NBAS: variants seen among roughly 807,000 people sequenced by gnomAD.
The protein encoded by NBAS is NAG/BC035112 fusion.
In NBAS, 219 loss-of-function variants were observed where a neutral mutation model predicts 302.5. The observed-to-expected ratio is 0.72, with a 90% CI of 0.65 to 0.81. The LOEUF (loss-of-function observed/expected upper bound fraction) is 0.81. Ranked by LOEUF, NBAS falls within the 30% of genes least tolerant of loss-of-function variation. The probability of loss-of-function intolerance (pLI) is 0.00; values close to 1 mark genes in which losing one functional copy is unlikely to be tolerated. For synonymous variants in NBAS, 1,118 were observed against 1,021.6 expected, an observed-to-expected ratio of 1.09 and a Z score of -1.80; for missense variants, 2,932 against 2,841.6, an observed-to-expected ratio of 1.03 and a Z score of -0.72.
chr2:15,085,814 C>A, the NBAS span, among the ~76,000 whole-genome samples: 2 of 152,212 alleles, frequency 1.3e-5, no homozygotes, highest in Non-Finnish European at 1.5e-5. Context: ...ACGCTGGGGG[C>A]AGTGCTGACA....
the NBAS span, among the ~76,000 whole-genome samples, chr2:14,906,526 G>A: frequency 1.3e-5 from 2 of 152,222 alleles, no homozygotes; most frequent in South Asian, 4.1e-4. Flanking sequence ...TGTTCCTGGG[G>A]ACCCACCTTT....
the NBAS span, among the ~76,000 whole-genome samples, chr2:14,920,616 G>A: frequency 6.6e-6 from 1 of 152,136 alleles, no homozygotes; most frequent in African/African-American, 2.4e-5. Context: ...AATTATCTTA[G>A]CTAGATCTTC....
At chr2:15,501,116 A>G (rs1429180991) in intron 11 of NBAS, among the ~76,000 whole-genome samples, 2 of 151,768 alleles carry the variant, frequency 1.3e-5, no homozygotes, top group African/African-American at 4.8e-5. Context: ...CCTGGCTAAC[A>G]TGGTGAAACC....
the NBAS span, among the ~76,000 whole-genome samples, chr2:14,964,574 T>C: frequency 2.0e-5 from 3 of 152,058 alleles, no homozygotes; most frequent in Non-Finnish European, 4.4e-5. Flanking sequence ...AAAGGACAAA[T>C]AGACAAACCC....
At chr2:14,883,831 C>A in the NBAS span, among the ~76,000 whole-genome samples, 1 of 151,952 alleles carries the variant, frequency 6.6e-6, no homozygotes, top group Non-Finnish European at 1.5e-5. Context: ...CGTGGTGGCA[C>A]ACTCCTATAG....
At chr2:15,228,118 C>A (rs1048555946) in intron 47 of NBAS, among the ~76,000 whole-genome samples, 1 of 151,970 alleles carries the variant, frequency 6.6e-6, no homozygotes, top group Non-Finnish European at 1.5e-5. Flanking sequence ...TCAGGATATA[C>A]AAGGAACTCA....
chr2:15,394,872 T>C (rs1488760240), intron 27 of NBAS, among the ~76,000 whole-genome samples: 3 of 152,102 alleles, frequency 2.0e-5, no homozygotes, highest in Non-Finnish European at 4.4e-5. Flanking sequence ...TCTTGAGATA[T>C]CCCATTCCAT....
At position 15,427,758 on chromosome 2, in the gene NBAS, A is replaced by C. The variant is rs767227424; in HGVS notation, c.2376T>G (p.His792Gln). Residue 792 changes from histidine to glutamine, a missense_variant, in exon 22 of 52, where the codon CAT (histidine) becomes CAG (glutamine). His to Gln is a conservative substitution (Grantham distance 24). Transcript: ENST00000281513. ...NGDSLMIIPW[H>Q]EHKHRAKDWC... The stretch of plus-strand genomic sequence containing the variant: ...AATCTTTAGCTCGGTGTTTATGTTC[A>C]TGCCAAGGAATGATCATCAGGGAGT... 6.2e-7 allele frequency: 1 copy of C among 1,613,572 alleles called. No individual in the cohort carries two copies. Among genetic ancestry groups the C allele is most frequent in the South Asian group, 1.1e-5 (1 of 90,890 alleles).
intron 32 of NBAS, among the ~76,000 whole-genome samples, chr2:15,360,330 T>TA (rs551926742): frequency 0.05 from 4,639 of 92,906 alleles, 160 homozygotes; most frequent in South Asian, 0.11. Context: ...TACCATAACT[T>TA]AAAAAAAAAA....
the NBAS span, among the ~76,000 whole-genome samples, chr2:15,056,186 G>T: frequency 1.3e-5 from 2 of 151,862 alleles, no homozygotes; most frequent in East Asian, 3.9e-4. Context: ...ACTCTGAAAT[G>T]GATCTATTTT....
chr2:15,054,151 C>T, the NBAS span, among the ~76,000 whole-genome samples: 4 of 152,302 alleles, frequency 2.6e-5, no homozygotes, highest in African/African-American at 9.6e-5. Flanking sequence ...GCGACAGCCA[C>T]TCTGTGCTAA....
chr2:15,048,172 G>A, the NBAS span, among the ~76,000 whole-genome samples: 230 of 152,352 alleles, frequency 1.5e-3, no homozygotes, highest in Middle Eastern at 3.4e-3. Context: ...GAGGCAGGGA[G>A]AGGAATGAGC....
At chr2:15,117,195 C>A in the NBAS span, among the ~76,000 whole-genome samples, 3 of 152,150 alleles carry the variant, frequency 2.0e-5, no homozygotes, top group African/African-American at 7.2e-5. Context: ...TAAATAAACC[C>A]GCCGTCCCCA....
chr2:15,527,738 T>C (rs1401719041), intron 9 of NBAS, among the ~76,000 whole-genome samples: 1 of 151,972 alleles, frequency 6.6e-6, no homozygotes, highest in Non-Finnish European at 1.5e-5. Flanking sequence ...GATATATTCA[T>C]CAAAATAGAA....
rs758214210 is a variant in NBAS, at chr2:15,352,038, C to T, written c.4133G>A (p.Gly1378Glu). The T allele has an allele frequency of 1.2e-6, 2 of 1,612,164 alleles. No individual in the cohort carries two copies. The highest frequency in any genetic ancestry group is 1.3e-5 in the African/African-American group (1 of 74,828). Residue 1378 changes from glycine (G) to glutamate (E), a missense_variant, in exon 35 of 52, where the codon GGG becomes GAG. By Grantham distance (98) the Gly-to-Glu change is moderately conservative. Transcript: ENST00000281513. ...TAATGGTGAAGCACTGATATTTTCCCCTCCTTCATGATGGATCTGGAAATT... is the reference window on the plus strand; with the variant it reads ...TAATGGTGAAGCACTGATATTTTCCTCTCCTTCATGATGGATCTGGAAATT... ...RVNFQIHHEG[G>E]ENISASPLTS...
chr2:15,186,457 G>A (rs1558419687), intron 50 of NBAS, among the ~76,000 whole-genome samples: 1 of 152,062 alleles, frequency 6.6e-6, no homozygotes, highest in Non-Finnish European at 1.5e-5. Flanking sequence ...ATGGCCACTT[G>A]GAACATAAAC....
At chr2:15,057,314 G>GA in the NBAS span, among the ~76,000 whole-genome samples, 73,561 of 135,794 alleles carry the variant, frequency 0.54, 21,273 homozygotes, top group Middle Eastern at 0.65. Flanking sequence ...ACAGAAATTT[G>GA]AAAAAAAAAA....
intron 23 of NBAS, among the ~76,000 whole-genome samples, chr2:15,420,021 A>G: frequency 6.6e-6 from 1 of 152,142 alleles, no homozygotes; most frequent in African/African-American, 2.4e-5. Context: ...CAACGATGAT[A>G]TTTGACAATT....
chr2:15,258,444 C>G (rs1475643495), intron 44 of NBAS, among the ~76,000 whole-genome samples: 3 of 152,138 alleles, frequency 2.0e-5, no homozygotes, highest in Non-Finnish European at 2.9e-5. Flanking sequence ...AATGGACATG[C>G]AAGCAGGGAA....
Sources: allele counts gnomAD v4.1 joint callset (sites outside exome capture counted in the v4.1 genomes callset), GRCh38; gene constraint gnomAD v4.1.1; transcripts MANE v1.5; gene names NCBI Gene and HGNC (gene_info 2026-07-23, HGNC 2026-07-21).